Variants in SPATA16 observed in about 807,000 individuals in gnomAD.
SPATA16 encodes spermatogenesis-associated protein 16.
A neutral mutation model predicts 63.3 loss-of-function variants in SPATA16; 36 were observed. That is an observed-to-expected ratio of 0.57 (90% confidence interval 0.44 to 0.75). The LOEUF is 0.75. SPATA16 is among the 30% of genes least tolerant of loss of function. SPATA16 has a pLI of 0.00. For missense variants in SPATA16, 646 were observed against 679.3 expected (o/e 0.95, Z 0.54); for synonymous variants, 203 against 216.7 (o/e 0.94, Z 0.56).
At position 173,117,598 on chromosome 3, in the gene SPATA16, T is replaced by C. The variant is rs1333278760; in HGVS notation, c.134A>G (p.Gln45Arg). Residue 45 changes from glutamine to arginine, a missense_variant, in exon 2 of 11, where the codon CAA (glutamine) becomes CGA (arginine). Gln to Arg is a conservative substitution (Grantham distance 43). Transcript: ENST00000351008. ...AHPPNILEMS[Q>R]EIKKNCGGKQ... Reference sequence around the variant, plus strand: ...ACCTCCACAGTTTTTCTTAATCTCTTGTGACATTTCCAGGATGTTAGGTGG... The same window carrying C: ...ACCTCCACAGTTTTTCTTAATCTCTCGTGACATTTCCAGGATGTTAGGTGG... The C allele has an allele frequency of 6.2e-7, 1 of 1,613,848 alleles. No homozygotes were observed. Among genetic ancestry groups the C allele is most frequent in the Admixed American group, 1.7e-5 (1 of 59,996 alleles).
intron 10 of SPATA16, among the ~76,000 whole-genome samples, chr3:172,895,091 C>T (rs995002451): frequency 6.6e-6 from 1 of 152,160 alleles, no homozygotes; most frequent in South Asian, 2.1e-4. Context: ...GATTCACACA[C>T]ATCAGTAAAA....
intron 6 of SPATA16, among the ~76,000 whole-genome samples, chr3:172,941,862 A>G (rs1231742789): frequency 1.3e-5 from 2 of 152,090 alleles, no homozygotes. Flanking sequence ...TATATTATGT[A>G]TAATATTAGG....
chr3:172,926,180 TA>T (rs57396085), intron 6 of SPATA16, among the ~76,000 whole-genome samples: 25,903 of 146,238 alleles, frequency 0.18, 3,100 homozygotes, highest in African/African-American at 0.35. Context: ...ATGTTAGTTA[TA>T]AAAAAAAAAG....
intron 5 of SPATA16, among the ~76,000 whole-genome samples, chr3:172,964,160 C>A (rs1404794601): frequency 2.0e-5 from 3 of 152,102 alleles, no homozygotes; most frequent in Admixed American, 6.5e-5. Context: ...TCCACTGGCC[C>A]CTCATTAGAT....
At chr3:173,019,629 C>A (rs190780911) in intron 3 of SPATA16, 54 bp from the exon 4 acceptor site, 1 of 1,483,364 alleles carries the variant, frequency 6.7e-7, no homozygotes, top group South Asian at 1.1e-5. Context: ...AAGACAATTA[C>A]CACAAGTGCA....
rs1226903242 is a variant in SPATA16, at chr3:173,060,130, G to A, written c.613-11036C>T. Among the ~76,000 whole-genome samples, 117 of 152,090 alleles carry A rather than the reference G, an allele frequency of 7.7e-4. 1 individual carries two copies. Among genetic ancestry groups the A allele is most frequent in the South Asian group, 4.2e-4 (2 of 4,818 alleles). On this transcript the variant is annotated intron_variant, in intron 2 of 10. Transcript: ENST00000351008. ...AAATTAGCCGGGCATGGTTGCGGGC[G>A]CCTGTAATCTCAGCTACTCGGGAGG...
intron 6 of SPATA16, among the ~76,000 whole-genome samples, chr3:172,929,772 A>G (rs372798017): frequency 6.6e-6 from 1 of 152,332 alleles, no homozygotes; most frequent in African/African-American, 2.4e-5. Flanking sequence ...AAATTCCAAC[A>G]TGGCATTTCC....
chr3:173,127,520 C>T (rs997830512), intron 1 of SPATA16, among the ~76,000 whole-genome samples: 1 of 152,154 alleles, frequency 6.6e-6, no homozygotes, highest in Non-Finnish European at 1.5e-5. Context: ...GTTCTTTCTT[C>T]AGCTTTTTTC....
chr3:172,949,818 CA>C (rs1323883715), intron 6 of SPATA16, among the ~76,000 whole-genome samples: 1 of 151,944 alleles, frequency 6.6e-6, no homozygotes, highest in African/African-American at 2.4e-5. Context: ...CTCATCAATT[CA>C]TGAGGGAATA....
intron 1 of SPATA16, among the ~76,000 whole-genome samples, chr3:173,139,632 AAC>A (rs1266920813): frequency 6.6e-6 from 1 of 152,220 alleles, no homozygotes; most frequent in Non-Finnish European, 1.5e-5. Flanking sequence ...CAACAACAAA[AAC>A]ACAACATGCA....
chr3:172,925,203 T>C (rs896023310), intron 7 of SPATA16, 143 bp downstream of exon 7: 11 of 916,232 alleles, frequency 1.2e-5, no homozygotes, highest in Admixed American at 4.7e-5. Context: ...TGGGGAAAGA[T>C]TTCCTGGAAC....
At chr3:173,029,654 T>C (rs1735555416) in intron 3 of SPATA16, among the ~76,000 whole-genome samples, 1 of 152,052 alleles carries the variant, frequency 6.6e-6, no homozygotes, top group Non-Finnish European at 1.5e-5. Context: ...TGTCTTTCCT[T>C]CTAAGGCTGT....
intron 5 of SPATA16, among the ~76,000 whole-genome samples, chr3:172,959,269 G>C (rs971802232): frequency 2.0e-5 from 3 of 152,178 alleles, no homozygotes; most frequent in African/African-American, 7.2e-5. Flanking sequence ...GGTAAGACTC[G>C]TGCCCAAGAA....
At chr3:173,061,144 CAT>C (rs1399612803) in intron 2 of SPATA16, among the ~76,000 whole-genome samples, 3 of 152,204 alleles carry the variant, frequency 2.0e-5, no homozygotes, top group Non-Finnish European at 1.5e-5. Context: ...TTATCAACAT[CAT>C]ATCTCAAAGT....
chr3:172,983,028 A>C (rs1734357526), intron 4 of SPATA16, among the ~76,000 whole-genome samples: 2 of 152,204 alleles, frequency 1.3e-5, no homozygotes, highest in Admixed American at 1.3e-4. Context: ...CCTTGCCTTT[A>C]GGCAGGATCA....
At chr3:172,986,239 G>A (rs1734453923) in intron 4 of SPATA16, among the ~76,000 whole-genome samples, 1 of 152,160 alleles carries the variant, frequency 6.6e-6, no homozygotes, top group Non-Finnish European at 1.5e-5. Flanking sequence ...AATAGTAATA[G>A]TAGTATTACT....
intron 3 of SPATA16, among the ~76,000 whole-genome samples, chr3:173,028,003 C>CTCCCTCCT: frequency 1.4e-5 from 1 of 71,420 alleles, no homozygotes; most frequent in East Asian, 4.8e-4. Flanking sequence ...CCCTCCCTCC[C>CTCCCTCCT]TCCCTCCCTC....
rs571512160 is a variant in SPATA16 at position 173,051,351 on chromosome 3, T to C, written c.613-2257A>G. Among the ~76,000 whole-genome samples the C allele has an allele frequency of 3.3e-3, 502 of 152,198 alleles. 5 individuals are homozygous for C. The highest frequency in any genetic ancestry group is 0.011 in the African/African-American group (461 of 41,528). On this transcript the variant is annotated intron_variant, in intron 2 of 10. Transcript: ENST00000351008. ...CCAAGTAGTTGGGATTACAGGCAAG[T>C]GCCACCACGCCCGGCTAATTTTTTG... is the stretch of plus-strand genomic sequence containing the variant.
In SPATA16 at chr3:172,901,271, A is replaced by G. The variant is rs1577082243; in HGVS notation, c.1588-11579T>C. ...CTGGAGTGCAATCGCATGATCTCGC[A>G]TCACTGCAACCTCCACCTCCCGGGT... On this transcript the variant is annotated intron_variant, in intron 10 of 10. Coordinates refer to ENST00000351008, the MANE Select transcript of SPATA16 (RefSeq NM_031955.6). Among the ~76,000 whole-genome samples, 3 of 151,794 alleles carry G rather than the reference A, an allele frequency of 2.0e-5. No individual in the cohort carries two copies. In the East Asian group the frequency reaches 5.9e-4, roughly 30 times the overall value.
Sources: gnomAD v4.1 joint callset for allele counts (sites outside exome capture counted in the v4.1 genomes callset) on GRCh38, gnomAD v4.1.1 for gene constraint, MANE v1.5 for transcripts, NCBI Gene and HGNC (gene_info 2026-07-23, HGNC 2026-07-21) for gene names.